Variants in FAM81A observed in about 807,000 individuals in gnomAD.
The protein encoded by FAM81A is protein FAM81A.
In FAM81A, 19 loss-of-function variants were observed where a neutral mutation model predicts 46.7. That is an observed-to-expected ratio of 0.41 (90% confidence interval 0.28 to 0.60). FAM81A has a LOEUF of 0.60. FAM81A is among the 20% of genes least tolerant of loss of function. The probability of loss-of-function intolerance (pLI) is 0.34; values close to 1 mark genes in which losing one functional copy is unlikely to be tolerated. For missense variants in FAM81A, 377 were observed against 453.5 expected, an observed-to-expected ratio of 0.83 and a Z score of 1.53; for synonymous variants, 183 against 152.9, an observed-to-expected ratio of 1.20 and a Z score of -1.45.
At chr15:59,489,440 G>A (rs1176810911) in intron 3 of FAM81A, among the ~76,000 whole-genome samples, 1 of 152,044 alleles carries the variant, frequency 6.6e-6, no homozygotes, top group South Asian at 2.1e-4. Context: ...TTCCATGTTC[G>A]TGGTTTGGAA....
rs548218532 is a variant in FAM81A at position 59,414,828 on chromosome 15, T to C, written c.-78+12470T>C. On this transcript the variant is annotated intron_variant, in intron 2 of 4. Transcript: ENST00000558348. Reference sequence around the variant, plus strand: ...CGTGGTAAAAGGAAAAAACTTTTTTTTTTTTGAGATGGAGTCTCGCTCTGT... The same window carrying C: ...CGTGGTAAAAGGAAAAAACTTTTTTCTTTTTGAGATGGAGTCTCGCTCTGT... Among the ~76,000 whole-genome samples the C allele has an allele frequency of 2.6e-5, 4 of 152,282 alleles. No individual in the cohort carries two copies. In the East Asian group the frequency reaches 7.7e-4, roughly 29 times the overall value.
At chr15:59,483,061 G>A (rs1457650335) in intron 3 of FAM81A, among the ~76,000 whole-genome samples, 10 of 150,304 alleles carry the variant, frequency 6.7e-5, no homozygotes, top group South Asian at 2.1e-4. Flanking sequence ...TTTTTTTGAC[G>A]GAGTCTTGCT....
In FAM81A at chr15:59,521,104, A is replaced by C. The variant is rs182750477; in HGVS notation, c.983-150A>C. On this transcript the variant is annotated intron_variant, in intron 8 of 8. Coordinates refer to ENST00000288228, the MANE Select transcript of FAM81A (RefSeq NM_152450.3). ...AGTAATCTCTAGGGAGAAACTAGAA[A>C]CTCACCTGTTCCCCATCATACTTTC... 3.1e-5 allele frequency: 25 copies of C among 819,622 alleles called. No homozygotes were observed. The East Asian group carries it at 7.3e-4, about 24-fold the overall frequency. The allele number at this position is 819,622 out of a possible 1,614,324, so 50.8% of individuals were successfully genotyped here.
chr15:59,451,210 A>G (rs2081414647), intron 1 of FAM81A, among the ~76,000 whole-genome samples: 1 of 152,238 alleles, frequency 6.6e-6, no homozygotes, highest in African/African-American at 2.4e-5. Context: ...ATTAATTCAC[A>G]CCAAGAAAAG....
chr15:59,432,494 A>T (rs1415539677), intron 2 of FAM81A, among the ~76,000 whole-genome samples: 4 of 152,176 alleles, frequency 2.6e-5, no homozygotes, highest in Non-Finnish European at 4.4e-5. Context: ...TTTGTAAGGC[A>T]TTTTTCCTCC....
chr15:59,466,655 T>A (rs1370035981), intron 3 of FAM81A, among the ~76,000 whole-genome samples: 1 of 152,220 alleles, frequency 6.6e-6, no homozygotes, highest in Non-Finnish European at 1.5e-5. Flanking sequence ...ATTCTGTAGG[T>A]TGCCTGTTCA....
rs1046837694 is a variant in FAM81A, at chr15:59,503,807, A to G, written c.414-3406A>G. On this transcript the variant is annotated intron_variant, in intron 4 of 8. Transcript: ENST00000288228. Reference sequence around the variant, plus strand: ...GGGCTGGTCTCAAACTCCTGGCCTCAAGTGATCCACCTGCCTCGGCCTCCT... The same window carrying G: ...GGGCTGGTCTCAAACTCCTGGCCTCGAGTGATCCACCTGCCTCGGCCTCCT... 2.0e-5 allele frequency among the ~76,000 whole-genome samples: 3 copies of G among 152,154 alleles called. No homozygotes were observed. The East Asian group carries it at 5.8e-4, about 29-fold the overall frequency.
At chr15:59,432,967 C>G (rs1274122978) in intron 2 of FAM81A, among the ~76,000 whole-genome samples, 2 of 124,812 alleles carry the variant, frequency 1.6e-5, no homozygotes. Context: ...AACCCCGTCT[C>G]TATTAAAAAA....
intron 3 of FAM81A, among the ~76,000 whole-genome samples, chr15:59,483,755 G>T (rs1383918600): frequency 6.6e-6 from 1 of 152,202 alleles, no homozygotes; most frequent in Non-Finnish European, 1.5e-5. Flanking sequence ...CAATCCAGGT[G>T]CTACCTTCCT....
At chr15:59,486,925 A>G (rs1272902051) in intron 3 of FAM81A, among the ~76,000 whole-genome samples, 1 of 152,116 alleles carries the variant, frequency 6.6e-6, no homozygotes, top group African/African-American at 2.4e-5. Context: ...GTTAATGAGC[A>G]ATAAGAAATC....
intron 3 of FAM81A, among the ~76,000 whole-genome samples, chr15:59,461,081 T>A (rs2081545819): frequency 6.6e-6 from 1 of 152,204 alleles, no homozygotes; most frequent in Admixed American, 6.5e-5. Context: ...AGTAAATTTA[T>A]AAAATTGTGC....
At chr15:59,398,449 T>G (rs747716594) in intron 1 of FAM81A, among the ~76,000 whole-genome samples, 1 of 151,970 alleles carries the variant, frequency 6.6e-6, no homozygotes, top group Non-Finnish European at 1.5e-5. Context: ...ACCTAATAGC[T>G]CCATAAAGTC....
intron 3 of FAM81A, among the ~76,000 whole-genome samples, chr15:59,467,537 G>T (rs1242270692): frequency 6.6e-6 from 1 of 152,180 alleles, no homozygotes; most frequent in Non-Finnish European, 1.5e-5. Flanking sequence ...AGGAATGCTT[G>T]TGATTTTTGC....
Position 59,460,046 on chromosome 15 carries a change from C to T in FAM81A, c.134C>T (p.Ala45Val), listed in dbSNP as rs1368914259. The T allele has an allele frequency of 6.2e-7, 1 of 1,613,952 alleles. No individual in the cohort carries two copies. The highest frequency in any genetic ancestry group is 8.5e-7 in the Non-Finnish European group (1 of 1,179,896). Reference protein sequence around the residue: ...DRILCHEKTTAALVEHAFRIK... With the variant: ...DRILCHEKTTVALVEHAFRIK... ...ATCCTCTGCCATGAGAAAACCACCG[C>T]CGCCCTCGTAGAGCACGCCTTTCGG... The change falls in exon 3 of 9, where the codon GCC (alanine) becomes GTC (valine). Residue 45 changes from alanine (A) to valine (V), a missense_variant. Physicochemically the swap from Ala to Val is moderately conservative, Grantham distance 64. Transcript: ENST00000288228. This position sits in a 1 kb window ranked among gnomAD's most constrained non-coding sequence, Gnocchi z 4.4.
At chr15:59,433,432 C>G (rs2081229792), upstream of FAM81A, among the ~76,000 whole-genome samples, 1 of 152,118 alleles carries the variant, frequency 6.6e-6, no homozygotes, top group Non-Finnish European at 1.5e-5. Flanking sequence ...TTAAAAGGAT[C>G]TTCTCAATAT....
intron 1 of FAM81A, chr15:59,402,106 A>G: frequency 4.7e-6 from 2 of 421,710 alleles, no homozygotes; most frequent in South Asian, 3.1e-5. Context: ...CAGGCCTGAC[A>G]GGAGAGTGAT....
chr15:59,442,227 A>G (rs2081305889), intron 1 of FAM81A, among the ~76,000 whole-genome samples: 1 of 152,138 alleles, frequency 6.6e-6, no homozygotes, highest in Non-Finnish European at 1.5e-5. Flanking sequence ...CAGAAGCCTG[A>G]CTGCTTTGTC....
intron 1 of FAM81A, among the ~76,000 whole-genome samples, chr15:59,399,746 T>G (rs1017284979): frequency 2.0e-5 from 3 of 152,254 alleles, no homozygotes; most frequent in African/African-American, 7.2e-5. Context: ...CATTCTCAGG[T>G]AATGTTCCCA....
chr15:59,399,554 T>G (rs1243704096), intron 1 of FAM81A, among the ~76,000 whole-genome samples: 2 of 152,100 alleles, frequency 1.3e-5, no homozygotes, highest in South Asian at 4.1e-4. Context: ...GAAGAACCCA[T>G]GCAGATGAAA....
Sources: gnomAD v4.1 joint callset for allele counts (sites outside exome capture counted in the v4.1 genomes callset) on GRCh38, gnomAD v4.1.1 for gene constraint, Gnocchi (gnomAD v3.1) non-coding constraint, MANE v1.5 for transcripts, NCBI Gene and HGNC (gene_info 2026-07-23, HGNC 2026-07-21) for gene names.